P3H4: variants seen among roughly 807,000 people sequenced by gnomAD.
The protein encoded by P3H4 is prolyl 3-hydroxylase family member 4 (inactive).
A neutral mutation model predicts 52.9 loss-of-function variants in P3H4; 47 were observed. The observed-to-expected ratio is 0.89, with a 90% CI of 0.70 to 1.13. The LOEUF (loss-of-function observed/expected upper bound fraction) is 1.13, where lower values mean the gene tolerates loss of function less well. P3H4 is among the 50% of genes most tolerant of loss of function. P3H4 has a pLI of 0.00. For synonymous variants in P3H4, 256 were observed against 267.9 expected, an observed-to-expected ratio of 0.96 and a Z score of 0.44; for missense variants, 585 against 611.0, an observed-to-expected ratio of 0.96 and a Z score of 0.45.
At chr17:41,806,062 T>C (rs564076684) in intron 6 of P3H4, among the ~76,000 whole-genome samples, 20 of 151,418 alleles carry the variant, frequency 1.3e-4, no homozygotes, top group African/African-American at 4.6e-4. Flanking sequence ...CTACTAAAAA[T>C]ACAAAAATTA....
rs2047639275 is a variant in P3H4 at position 41,803,420 on chromosome 17, C to T, written c.1158G>A (p.Glu386=). 6 of 1,613,768 alleles carry T rather than the reference C, an allele frequency of 3.7e-6. No individual in the cohort carries two copies. The highest frequency in any genetic ancestry group is 5.1e-6 in the Non-Finnish European group (6 of 1,179,884). The change falls in exon 7 of 8, where the codon GAG becomes GAA. Residue 386 remains glutamate, a synonymous_variant. Coordinates refer to ENST00000393928, the MANE Select transcript of P3H4 (RefSeq NM_006455.3). ...YLQSDDEMEL[E]ETEPPLEPED... is the part of the protein sequence containing the mutation. ...CAGGCTCCAGGGGCGGTTCTGTCTC[C>T]TCCAGCTCCATCTAGAGTAGCGCCA...
intron 6 of P3H4, among the ~76,000 whole-genome samples, chr17:41,803,931 C>G (rs2047644850): frequency 2.7e-5 from 4 of 150,890 alleles, no homozygotes. Flanking sequence ...GTGAGCGGCA[C>G]GTGAAAGGGA....
At chr17:41,809,855 T>C (rs782808129) in intron 3 of P3H4, 21 bp from the exon 4 acceptor site, 1 of 1,604,870 alleles carries the variant, frequency 6.2e-7, no homozygotes, top group South Asian at 1.1e-5. Flanking sequence ...GAGGCAGCAG[T>C]GAGAGGCTGG....
At chr17:41,810,613 C>T (rs2047719569) in intron 3 of P3H4, 1 of 504,998 alleles carries the variant, frequency 2.0e-6, no homozygotes, top group Non-Finnish European at 3.5e-6. Flanking sequence ...CTGCACTGCC[C>T]TCTGCCTGGA....
chr17:41,806,700 A>G, intron 6 of P3H4, 96 bp downstream of exon 6: 5 of 1,004,272 alleles, frequency 5.0e-6, no homozygotes, highest in Non-Finnish European at 4.6e-6. Flanking sequence ...GCTGACCACC[A>G]GGGGCTGGGG....
In P3H4 at chr17:41,810,950, A is replaced by G. The variant is rs1555614913; in HGVS notation, c.700T>C (p.Tyr234His). 1 of 1,614,008 alleles carries G rather than the reference A, an allele frequency of 6.2e-7. No homozygotes were observed. Among genetic ancestry groups the G allele is most frequent in the African/African-American group, 1.3e-5 (1 of 74,930 alleles). The change falls in exon 3 of 8, where the codon TAC becomes CAC. Residue 234 changes from tyrosine to histidine, a missense_variant. By Grantham distance (83) the Tyr-to-His change is moderately conservative (BLOSUM62 2). Coordinates refer to ENST00000393928, the MANE Select transcript of P3H4 (RefSeq NM_006455.3). ...AGGCACCGGGCAAAGACTGCCAGGT[A>G]CTCTGACAAGGCCCGCTCCATGTCC... ...TEDMERALSE[Y>H]LAVFARCLAG...
In P3H4 at chr17:41,811,231, G is replaced by A. The variant is rs1261653776; in HGVS notation, c.516C>T (p.Asn172=). 6.2e-7 allele frequency: 1 copy of A among 1,614,042 alleles called. No homozygotes were observed. The highest frequency in any genetic ancestry group is 1.1e-5 in the South Asian group (1 of 91,076). ...VAAAYTFLQR[N]PKHELTAKYL... is the part of the protein sequence containing the mutation. ...ACTTGGCGGTCAGCTCGTGCTTCGG[G>A]TTCCTCTGGAGGAAGGTGTAGGCCG... Residue 172 remains asparagine (N), a synonymous_variant, in exon 2 of 8, where the codon AAC becomes AAT. Transcript: ENST00000393928. This position sits in a 1 kb window ranked among gnomAD's most constrained non-coding sequence, Gnocchi z 4.8.
At chr17:41,806,047 T>G (rs1279872536) in intron 6 of P3H4, among the ~76,000 whole-genome samples, 1 of 151,708 alleles carries the variant, frequency 6.6e-6, no homozygotes, top group East Asian at 1.9e-4. Context: ...GGTGAAACAC[T>G]GTCTCTACTA....
intron 3 of P3H4, chr17:41,810,644 C>G (rs998333775): frequency 3.6e-6 from 2 of 561,768 alleles, no homozygotes; most frequent in Non-Finnish European, 6.2e-6. Context: ...ACCCAAGCTT[C>G]CCAAACCCTT....
At chr17:41,803,635 A>AG (rs35908729) in intron 6 of P3H4, among the ~76,000 whole-genome samples, 78,350 of 151,908 alleles carry the variant, frequency 0.52, 20,613 homozygotes, top group Middle Eastern at 0.67. Flanking sequence ...GGGCACCACC[A>AG]GCAGAATTTG....
At chr17:41,803,195 C>G (rs555197163) in intron 7 of P3H4, 92 bp downstream of exon 7, 2 of 1,532,346 alleles carry the variant, frequency 1.3e-6, no homozygotes, top group Non-Finnish European at 8.8e-7. Flanking sequence ...CCCACACACA[C>G]CCTGGGCTCC....
At position 41,811,532 on chromosome 17, in the gene P3H4, C is replaced by T. The variant is rs782002286; in HGVS notation, c.384G>A (p.Val128=). The T allele has an allele frequency of 6.2e-7, 1 of 1,611,314 alleles. No homozygotes were observed. The highest frequency in any genetic ancestry group is 8.5e-7 in the Non-Finnish European group (1 of 1,179,466). Residue 128 remains valine (V), a synonymous_variant, in exon 1 of 8, where the codon GTG becomes GTA. Coordinates refer to ENST00000393928, the MANE Select transcript of P3H4 (RefSeq NM_006455.3). The surrounding 1 kb of genome is among the most constrained non-coding windows in gnomAD (Gnocchi z 4.8). ...GCAGCAGCTGCCGCGGCGGGTAGGG[C>T]ACCTGGAAGGCGGGCAGCGTCCGCT... The part of the protein sequence containing the change: ...RCKRTLPAFQ[V]PYPPRQLLRD...
intron 4 of P3H4, 77 bp from the exon 5 acceptor site, chr17:41,808,081 C>A (rs1406293372): frequency 5.9e-6 from 9 of 1,529,234 alleles, no homozygotes; most frequent in Non-Finnish European, 7.9e-6. Context: ...TTCAGTCCAG[C>A]ACCCCTGCTA....
In P3H4 at chr17:41,802,705, C is replaced by T. The variant is rs2047630561; in HGVS notation, c.*252G>A. The T allele has an allele frequency of 9.6e-6, 4 of 417,884 alleles. 1 individual carries two copies. The East Asian group carries it at 2.2e-4, about 23-fold the overall frequency. 25.9% of individuals were successfully genotyped at this position (417,884 alleles called of 1,614,324 possible). A position where few individuals can be genotyped will look rare whatever the true frequency, so the allele number is the denominator to read the frequency against. On this transcript the variant is annotated 3_prime_UTR_variant, in exon 8 of 8. Transcript: ENST00000393928. The stretch of plus-strand genomic sequence containing the variant: ...TAGCTGGGATTTCAGGCGCCTGCCA[C>T]CACACCCGGCTAATTTATGTATTTT...
At chr17:41,806,727 T>C (rs898222596) in intron 6 of P3H4, 69 bp downstream of exon 6, 15 of 1,337,616 alleles carry the variant, frequency 1.1e-5, no homozygotes, top group Non-Finnish European at 1.5e-5. Context: ...TCTGGCACAC[T>C]GGTGGCCCCA....
rs187668568 is a variant in P3H4 at position 41,807,735 on chromosome 17, T to C, written c.1062+124A>G. 3.4e-4 allele frequency: 424 copies of C among 1,233,604 alleles called. No homozygotes were observed. In the African/African-American group the frequency reaches 5.7e-3, roughly 17 times the overall value. 76.4% of individuals were successfully genotyped at this position (1,233,604 alleles called of 1,614,324 possible). ...GGATGGTCCTGATCTCCTGACCTCG[T>C]GATCCACCCGCCTCAGCCTCCCAAA... On this transcript the variant is annotated intron_variant, in intron 5 of 7. Coordinates refer to ENST00000393928, the MANE Select transcript of P3H4 (RefSeq NM_006455.3).
chr17:41,806,828 A>ACTT lies in P3H4; in HGVS notation c.1113_1114insAAG (p.Glu371_Phe372insLys). 1 of 1,613,804 alleles carries ACTT rather than the reference A, an allele frequency of 6.2e-7. No homozygotes were observed. Among genetic ancestry groups the ACTT allele is most frequent in the Middle Eastern group, 1.7e-4 (1 of 6,046 alleles). The stretch of plus-strand genomic sequence containing the variant: ...TCTGACTGCAGGTACATGTGGGTGA[A>ACTT]CTCCAGCAGCTCCCGCAGCTCGGCG... On this transcript the variant is annotated inframe_insertion, in exon 6 of 8. Coordinates refer to ENST00000393928, the MANE Select transcript of P3H4 (RefSeq NM_006455.3).
At chr17:41,810,774 C>G in intron 3 of P3H4, 89 bp downstream of exon 3, 1 of 1,474,200 alleles carries the variant, frequency 6.8e-7, no homozygotes, top group Non-Finnish European at 9.1e-7. Context: ...CCTCCGCATT[C>G]GCAGTGCTCC....
At chr17:41,810,098 G>A (rs1283630338) in intron 3 of P3H4, among the ~76,000 whole-genome samples, 3 of 151,684 alleles carry the variant, frequency 2.0e-5, no homozygotes, top group Non-Finnish European at 4.4e-5. Context: ...GGGAGCCAGG[G>A]CATTCTGGGA....
Sources: gnomAD v4.1 joint callset for allele counts (sites outside exome capture counted in the v4.1 genomes callset) on GRCh38, gnomAD v4.1.1 for gene constraint, Gnocchi (gnomAD v3.1) non-coding constraint, MANE v1.5 for transcripts, NCBI Gene and HGNC (gene_info 2026-07-23, HGNC 2026-07-21) for gene names.